The following SNX18 variants were observed in gnomAD, a reference collection of about 807,000 sequenced individuals.
The protein encoded by SNX18 is sorting nexin 18.
SNX18 carries 35 observed loss-of-function variants against 48.7 expected under a neutral mutation model. The observed-to-expected ratio is 0.72, with a 90% CI of 0.55 to 0.95. SNX18 has a LOEUF of 0.95. Ranked by LOEUF, SNX18 falls within the 40% of genes least tolerant of loss-of-function variation. The probability of loss-of-function intolerance (pLI) is 0.00; values close to 1 mark genes in which losing one functional copy is unlikely to be tolerated. For synonymous variants in SNX18, 492 were observed against 384.7 expected (o/e 1.28, Z -3.26); for missense variants, 824 against 871.0 (o/e 0.95, Z 0.68).
In SNX18 at chr5:54,518,784, T is replaced by A; in HGVS notation, c.832T>A (p.Cys278Ser). ...GCAGGAGAACCCCTACCCGTTCCAG[T>A]GCACCATCGACGACCCCACCAAGCA... is the stretch of plus-strand genomic sequence containing the variant. Reference protein sequence around the residue: ...EWQENPYPFQCTIDDPTKQTK... With the variant: ...EWQENPYPFQSTIDDPTKQTK... The change falls in exon 1 of 2, where the codon TGC (cysteine) becomes AGC (serine). Residue 278 changes from cysteine (C) to serine (S), a missense_variant. Physicochemically the swap from Cys to Ser is moderately radical, Grantham distance 112 (BLOSUM62 -1). Transcript: ENST00000381410. 6.2e-7 allele frequency: 1 copy of A among 1,605,230 alleles called. No individual in the cohort carries two copies. The highest frequency in any genetic ancestry group is 8.5e-7 in the Non-Finnish European group (1 of 1,175,242).
the SNX18 span, among the ~76,000 whole-genome samples, chr5:54,586,608 A>G: frequency 2.6e-5 from 4 of 152,154 alleles, no homozygotes; most frequent in African/African-American, 9.7e-5. Flanking sequence ...TGAAAACCCC[A>G]CTTCTGTGAT....
chr5:54,532,660 A>G (rs778187641), intron 1 of SNX18, among the ~76,000 whole-genome samples: 2 of 152,176 alleles, frequency 1.3e-5, no homozygotes, highest in Non-Finnish European at 2.9e-5. Flanking sequence ...CACTTCTCAA[A>G]TAAAGACACT....
At chr5:54,519,917 A>G (rs1761984697) in intron 1 of SNX18, 5 of 1,189,576 alleles carry the variant, frequency 4.2e-6, no homozygotes, top group East Asian at 2.4e-5. Flanking sequence ...GACCTAAACC[A>G]TGTTAGGTAT....
the SNX18 span, among the ~76,000 whole-genome samples, chr5:54,621,011 C>G: frequency 2.6e-5 from 4 of 152,202 alleles, no homozygotes; most frequent in Non-Finnish European, 4.4e-5. Context: ...GAACACAGTT[C>G]AGTCCATAAC....
At chr5:54,531,085 AAGCAT>A (rs1293815692) in intron 1 of SNX18, among the ~76,000 whole-genome samples, 1 of 152,018 alleles carries the variant, frequency 6.6e-6, no homozygotes, top group East Asian at 1.9e-4. Flanking sequence ...GAGTTCCTGG[AAGCAT>A]CCTTCACTGG....
At chr5:54,579,340 TAAA>T in the SNX18 span, among the ~76,000 whole-genome samples, 2 of 147,386 alleles carry the variant, frequency 1.4e-5, no homozygotes, top group African/African-American at 2.5e-5. Flanking sequence ...CAGACCCTGT[TAAA>T]AAAAAAAGAA....
chr5:54,539,248 C>T lies in SNX18; in HGVS notation c.1622-3931C>T, dbSNP rs1202541625. ...TTTGAAGTCAGTTATGCATTCAGAT[C>T]CCATCTCAGCCTCCTGCTGGGTTAC... On this transcript the variant is annotated intron_variant, in intron 1 of 1. Coordinates refer to ENST00000381410, the MANE Select transcript of SNX18 (RefSeq NM_001102575.2). Among the ~76,000 whole-genome samples the T allele has an allele frequency of 2.1e-5, 3 of 143,706 alleles. No individual in the cohort carries two copies. In the East Asian group the frequency reaches 7.3e-4, roughly 35 times the overall value. 94.3% of individuals were successfully genotyped at this position (143,706 alleles called of 152,430 possible).
At chr5:54,633,863 G>A in the SNX18 span, among the ~76,000 whole-genome samples, 1 of 152,174 alleles carries the variant, frequency 6.6e-6, no homozygotes, top group Non-Finnish European at 1.5e-5. Flanking sequence ...TTGTGCAAAG[G>A]TGCTTTGCCT....
the SNX18 span, among the ~76,000 whole-genome samples, chr5:54,629,072 T>TA: frequency 1.3e-5 from 2 of 152,224 alleles, no homozygotes; most frequent in African/African-American, 2.4e-5. Flanking sequence ...GGCTGCTTAT[T>TA]AAATGCCTGT....
the SNX18 span, among the ~76,000 whole-genome samples, chr5:54,590,781 G>A: frequency 6.6e-6 from 1 of 152,058 alleles, no homozygotes. Flanking sequence ...CTGTCCACAC[G>A]GCTAGTGTGT....
chr5:54,533,343 G>A (rs890861183), intron 1 of SNX18, among the ~76,000 whole-genome samples: 2 of 152,156 alleles, frequency 1.3e-5, no homozygotes, highest in African/African-American at 4.8e-5. Context: ...TATTAATGTG[G>A]TCTAAACCTG....
At chr5:54,608,820 T>G in the SNX18 span, among the ~76,000 whole-genome samples, 1 of 152,192 alleles carries the variant, frequency 6.6e-6, no homozygotes, top group Non-Finnish European at 1.5e-5. Context: ...GGTGGGAAAT[T>G]CACACTCAGC....
At chr5:54,585,222 T>C in the SNX18 span, among the ~76,000 whole-genome samples, 5 of 151,540 alleles carry the variant, frequency 3.3e-5, no homozygotes, top group Non-Finnish European at 7.4e-5. Flanking sequence ...AGCTTGGGAG[T>C]TCAAGGCTGC....
chr5:54,555,947 T>C, the SNX18 span, among the ~76,000 whole-genome samples: 1 of 152,110 alleles, frequency 6.6e-6, no homozygotes. Context: ...ATAAGCAGGG[T>C]GATTTATTAA....
the SNX18 span, among the ~76,000 whole-genome samples, chr5:54,642,673 T>C: frequency 3.9e-5 from 6 of 152,218 alleles, no homozygotes; most frequent in Non-Finnish European, 8.8e-5. Context: ...AAACAAAAGT[T>C]AGTATAATAT....
the SNX18 span, among the ~76,000 whole-genome samples, chr5:54,640,761 T>TA: frequency 0.01 from 1,535 of 149,392 alleles, 17 homozygotes; most frequent in South Asian, 0.026. Flanking sequence ...ATCAGGTTGA[T>TA]AAAAAAAAAA....
the SNX18 span, among the ~76,000 whole-genome samples, chr5:54,600,160 G>A: frequency 1.3e-5 from 2 of 152,056 alleles, no homozygotes; most frequent in African/African-American, 2.4e-5. Flanking sequence ...TTAAAAGGTG[G>A]GCAAAGGACA....
At chr5:54,621,028 C>T in the SNX18 span, among the ~76,000 whole-genome samples, 4 of 152,086 alleles carry the variant, frequency 2.6e-5, no homozygotes, top group Admixed American at 1.3e-4. Flanking sequence ...TAACAGTTGG[C>T]GATAAGGTTT....
At chr5:54,556,116 T>G in the SNX18 span, among the ~76,000 whole-genome samples, 3 of 152,180 alleles carry the variant, frequency 2.0e-5, no homozygotes, top group African/African-American at 7.2e-5. Context: ...CAGCCTCTTA[T>G]TAGTGGGTGT....
Sources: gnomAD v4.1 joint callset for allele counts (sites outside exome capture counted in the v4.1 genomes callset) on GRCh38, gnomAD v4.1.1 for gene constraint, MANE v1.5 for transcripts, NCBI Gene and HGNC (gene_info 2026-07-23, HGNC 2026-07-21) for gene names.